CNTNAP2: variants seen among roughly 807,000 people sequenced by gnomAD.
CNTNAP2 encodes the protein contactin-associated protein-like 2.
Under a neutral mutation model 155.2 loss-of-function variants are expected in CNTNAP2, and 98 were observed. That is an observed-to-expected ratio of 0.63 (90% CI 0.54 to 0.75). The LOEUF (loss-of-function observed/expected upper bound fraction) is 0.75, where lower values mean the gene tolerates loss of function less well. CNTNAP2 is among the 30% of genes least tolerant of loss of function. The pLI is 0.00. For missense variants in CNTNAP2, 1,727 were observed against 1,688.1 expected, an observed-to-expected ratio of 1.02 and a Z score of -0.40; for synonymous variants, 651 against 631.2, an observed-to-expected ratio of 1.03 and a Z score of -0.47.
chr7:146,265,392 G>A (rs1799978891), intron 1 of CNTNAP2, among the ~76,000 whole-genome samples: 1 of 151,700 alleles, frequency 6.6e-6, no homozygotes, highest in Non-Finnish European at 1.5e-5. Context: ...AAATTGTTGA[G>A]GCATGTTTCT....
intron 1 of CNTNAP2, among the ~76,000 whole-genome samples, chr7:146,699,369 A>C (rs780999495): frequency 5.9e-5 from 9 of 152,090 alleles, no homozygotes; most frequent in Non-Finnish European, 1.2e-4. Flanking sequence ...CTGAGACATG[A>C]AGGCTTTTCA....
chr7:147,392,310 A>C (rs547269279), intron 9 of CNTNAP2, among the ~76,000 whole-genome samples: 6 of 134,572 alleles, frequency 4.5e-5, no homozygotes, highest in African/African-American at 7.5e-5. Flanking sequence ...CCAGTATCAA[A>C]TTCTTTTTTT....
At chr7:147,367,076 G>A (rs1796244688) in intron 9 of CNTNAP2, among the ~76,000 whole-genome samples, 1 of 152,138 alleles carries the variant, frequency 6.6e-6, no homozygotes, top group South Asian at 2.1e-4. Context: ...ATGACATAGT[G>A]AGACCCGGTG....
In CNTNAP2 at chr7:147,856,629, C is replaced by CTT. The variant is rs3055148; in HGVS notation, c.2099-46924_2099-46923dup. 2.7e-3 allele frequency among the ~76,000 whole-genome samples: 395 copies of CTT among 145,296 alleles called. 2 individuals carry two copies. The highest frequency in any genetic ancestry group is 8.6e-3 in the African/African-American group (341 of 39,844). On this transcript the variant is annotated intron_variant, in intron 13 of 23. Coordinates refer to ENST00000361727, the MANE Select transcript of CNTNAP2 (RefSeq NM_014141.6). ...CGTAATTATGTTAGAATTAGTTTGG[C>CTT]TTTTTTTTTTTTTCTGCTCTAGAAA...
intron 1 of CNTNAP2, among the ~76,000 whole-genome samples, chr7:146,642,346 C>T (rs1174073846): frequency 7.6e-6 from 1 of 132,160 alleles, no homozygotes; most frequent in Non-Finnish European, 1.5e-5. Flanking sequence ...GTGTGATGTT[C>T]CCCTTCCTGT....
intron 1 of CNTNAP2, among the ~76,000 whole-genome samples, chr7:146,205,202 T>C (rs1469027721): frequency 2.6e-5 from 4 of 151,962 alleles, no homozygotes; most frequent in Admixed American, 2.0e-4. Flanking sequence ...TACCATCACA[T>C]TTATTATTGT....
intron 1 of CNTNAP2, among the ~76,000 whole-genome samples, chr7:146,739,094 TG>T (rs1324437937): frequency 6.6e-6 from 1 of 151,952 alleles, no homozygotes; most frequent in African/African-American, 2.4e-5. Flanking sequence ...CTCTTAGTTT[TG>T]TTGATCTTTT....
At chr7:146,674,414 T>C (rs2533074) in intron 1 of CNTNAP2, among the ~76,000 whole-genome samples, 122,747 of 152,038 alleles carry the variant, frequency 0.81, 50,157 homozygotes, top group South Asian at 0.91. Flanking sequence ...TAATAAGTTG[T>C]TTAAGATTCC....
chr7:147,546,870 C>T (rs1360333171), intron 11 of CNTNAP2, among the ~76,000 whole-genome samples: 1 of 152,120 alleles, frequency 6.6e-6, no homozygotes, highest in Non-Finnish European at 1.5e-5. Flanking sequence ...TTGACTTTAC[C>T]AGATTTTTGG....
At chr7:146,311,608 A>C (rs1179707442) in intron 1 of CNTNAP2, 4 of 115,738 alleles carry the variant, frequency 3.5e-5, no homozygotes, top group East Asian at 5.0e-4. Flanking sequence ...TTGTCTTTAC[A>C]AAAAAAAAAA....
At chr7:147,280,039 GC>G (rs1461800318) in intron 8 of CNTNAP2, among the ~76,000 whole-genome samples, 1 of 151,878 alleles carries the variant, frequency 6.6e-6, no homozygotes, top group African/African-American at 2.4e-5. Context: ...GACTCTTTCT[GC>G]CTTTTGTATA....
intron 14 of CNTNAP2, among the ~76,000 whole-genome samples, chr7:147,923,045 C>T (rs1216921796): frequency 1.3e-5 from 2 of 149,436 alleles, no homozygotes; most frequent in African/African-American, 2.5e-5. Context: ...AAAATGAGGT[C>T]AGGAATTTGA....
At position 147,483,397 on chromosome 7, in the gene CNTNAP2, A is replaced by G. The variant is rs1356531402; in HGVS notation, c.1671-2538A>G. 2.6e-5 allele frequency among the ~76,000 whole-genome samples: 4 copies of G among 152,142 alleles called. No homozygotes were observed. In the East Asian group the frequency reaches 7.7e-4, roughly 29 times the overall value. On this transcript the variant is annotated intron_variant, in intron 10 of 23. Coordinates refer to ENST00000361727, the MANE Select transcript of CNTNAP2 (RefSeq NM_014141.6). ...TTGGTGTGGAACAATCCCCTCACAGATAGAGAGGGATGACTTGTATTCATT... is the reference window on the plus strand; with the variant it reads ...TTGGTGTGGAACAATCCCCTCACAGGTAGAGAGGGATGACTTGTATTCATT...
At chr7:147,277,129 CTG>C (rs1397315772) in intron 8 of CNTNAP2, among the ~76,000 whole-genome samples, 6 of 151,956 alleles carry the variant, frequency 3.9e-5, no homozygotes, top group Non-Finnish European at 8.8e-5. Flanking sequence ...TCCGTTGTTC[CTG>C]TGAGTGAAAT....
chr7:148,154,198 G>A (rs1805358769), intron 17 of CNTNAP2, among the ~76,000 whole-genome samples: 1 of 152,240 alleles, frequency 6.6e-6, no homozygotes, highest in Non-Finnish European at 1.5e-5. Flanking sequence ...GCCTGACTGA[G>A]ACTCAGTGGA....
intron 14 of CNTNAP2, among the ~76,000 whole-genome samples, chr7:147,920,696 G>A (rs1436830056): frequency 6.6e-6 from 1 of 152,110 alleles, no homozygotes; most frequent in Non-Finnish European, 1.5e-5. Context: ...GAAACACAGG[G>A]TGGGTGGGTA....
intron 1 of CNTNAP2, among the ~76,000 whole-genome samples, chr7:146,672,547 G>A (rs572420915): frequency 1.3e-5 from 2 of 152,214 alleles, no homozygotes; most frequent in South Asian, 4.1e-4. Context: ...GAGAAACACG[G>A]CAAAGTCACA....
At chr7:147,341,879 A>G (rs998886420) in intron 9 of CNTNAP2, among the ~76,000 whole-genome samples, 1 of 152,196 alleles carries the variant, frequency 6.6e-6, no homozygotes, top group Non-Finnish European at 1.5e-5. Flanking sequence ...TAATGCATTA[A>G]GTATATACAT....
At chr7:147,522,490 T>C (rs1799245138) in intron 11 of CNTNAP2, among the ~76,000 whole-genome samples, 1 of 152,148 alleles carries the variant, frequency 6.6e-6, no homozygotes, top group South Asian at 2.1e-4. Flanking sequence ...TTTTCATATG[T>C]AATATTTAGA....
Sources: allele counts gnomAD v4.1 joint callset (sites outside exome capture counted in the v4.1 genomes callset), GRCh38; gene constraint gnomAD v4.1.1; transcripts MANE v1.5; gene names NCBI Gene and HGNC (gene_info 2026-07-23, HGNC 2026-07-21).